DAB2IP: variants seen among roughly 807,000 people sequenced by gnomAD.
The protein encoded by DAB2IP is disabled homolog 2-interacting protein.
DAB2IP carries 28 observed loss-of-function variants against 107.2 expected under a neutral mutation model. That is an observed-to-expected ratio of 0.26 (90% CI 0.19 to 0.36). The LOEUF (loss-of-function observed/expected upper bound fraction) is 0.36, where lower values mean the gene tolerates loss of function less well. Ranked by LOEUF, DAB2IP falls within the 10% of genes least tolerant of loss-of-function variation. DAB2IP has a pLI of 1.00. For synonymous variants in DAB2IP, 755 were observed against 706.4 expected, an observed-to-expected ratio of 1.07 and a Z score of -1.09; for missense variants, 1,400 against 1,644.7, an observed-to-expected ratio of 0.85 and a Z score of 2.57.
Position 121,782,158 on chromosome 9 carries a change from G to T in DAB2IP, c.3403-173G>T, listed in dbSNP as rs1835707689. Among the ~76,000 whole-genome samples the T allele has an allele frequency of 6.6e-6, 1 of 152,126 alleles. No individual in the cohort carries two copies. The highest frequency in any genetic ancestry group is 1.5e-5 in the Non-Finnish European group (1 of 67,994). ...GCTGATAAGCAGGCAGCGAGGCTGT[G>T]TCCATGATGCTGCAGAGGCCTCTGC... On this transcript the variant is annotated intron_variant, in intron 15 of 15. Transcript: ENST00000408936. The surrounding 1 kb of genome is among the most constrained non-coding windows in gnomAD (Gnocchi z 6.1).
In DAB2IP at chr9:121,751,907, G is replaced by A. The variant is rs985460284; in HGVS notation, c.363-5106G>A. On this transcript the variant is annotated intron_variant, in intron 3 of 15. Coordinates refer to ENST00000408936, the Ensembl canonical transcript of DAB2IP. Reference sequence around the variant, plus strand: ...GGTCACCCTAGCCATGGCCTTGGCTGTCCCGTGTGTGACCTGGATGTCATG... The same window carrying A: ...GGTCACCCTAGCCATGGCCTTGGCTATCCCGTGTGTGACCTGGATGTCATG... 1.6e-5 allele frequency: 16 copies of A among 985,192 alleles called. No homozygotes were observed. The African/African-American group carries it at 2.6e-4, about 16-fold the overall frequency. 61.0% of individuals were successfully genotyped at this position (985,192 alleles called of 1,614,324 possible). A position where few individuals can be genotyped will look rare whatever the true frequency, so the allele number is the denominator to read the frequency against.
intron 1 of DAB2IP, among the ~76,000 whole-genome samples, chr9:121,676,692 A>T (rs1413586842): frequency 1.4e-5 from 2 of 145,666 alleles, no homozygotes; most frequent in Non-Finnish European, 3.0e-5. Context: ...GAGAGCGTTG[A>T]TAGGAGACTC....
intron 1 of DAB2IP, among the ~76,000 whole-genome samples, chr9:121,659,609 C>T (rs1467212902): frequency 2.0e-5 from 3 of 152,018 alleles, no homozygotes; most frequent in South Asian, 2.1e-4. Context: ...CTGGCTAACA[C>T]GGTGAAACCC....
At chr9:121,587,531 C>T in intron 1 of DAB2IP, among the ~76,000 whole-genome samples, 1 of 151,198 alleles carries the variant, frequency 6.6e-6, no homozygotes, top group African/African-American at 2.4e-5. Context: ...TCACCTGAGC[C>T]TGGGAGGTTG....
rs1485021804 is a variant in DAB2IP, at chr9:121,698,063, C to T, written c.229-1262C>T. Among the ~76,000 whole-genome samples the T allele has an allele frequency of 6.6e-6, 1 of 152,188 alleles. No homozygotes were observed. Among genetic ancestry groups the T allele is most frequent in the Non-Finnish European group, 1.5e-5 (1 of 68,038 alleles). On this transcript the variant is annotated intron_variant, in intron 2 of 15. Coordinates refer to ENST00000408936, the Ensembl canonical transcript of DAB2IP. This position sits in a 1 kb window ranked among gnomAD's most constrained non-coding sequence, Gnocchi z 4.1. ...GGACAGATACAGCCCAGGGCCTGTG[C>T]CAAACATCCACTGCTCCTCTTGAAC...
chr9:121,744,716 T>C (rs1200487050), intron 3 of DAB2IP, among the ~76,000 whole-genome samples: 8 of 152,222 alleles, frequency 5.3e-5, no homozygotes, highest in Non-Finnish European at 1.5e-5. Flanking sequence ...CCAGGTGTCC[T>C]GTTCCACCCT....
rs1434746168 is a variant in DAB2IP at position 121,699,112 on chromosome 9, G to C, written c.229-213G>C. Reference sequence around the variant, plus strand: ...AGGGGGCGGGGGCGACGTGGCGGGCGGGGTGGGCTGGGCCGCGCTGCGCGG... The same window carrying C: ...AGGGGGCGGGGGCGACGTGGCGGGCCGGGTGGGCTGGGCCGCGCTGCGCGG... On this transcript the variant is annotated intron_variant, in intron 2 of 15. Transcript: ENST00000408936. This position sits in a 1 kb window ranked among gnomAD's most constrained non-coding sequence, Gnocchi z 6.2. Among the ~76,000 whole-genome samples, 2 of 146,274 alleles carry C rather than the reference G, an allele frequency of 1.4e-5. No individual in the cohort carries two copies. The highest frequency in any genetic ancestry group is 3.0e-5 in the Non-Finnish European group (2 of 65,840).
chr9:121,611,905 A>C (rs1008446798), intron 1 of DAB2IP, among the ~76,000 whole-genome samples: 1 of 152,232 alleles, frequency 6.6e-6, no homozygotes, highest in African/African-American at 2.4e-5. Context: ...TTATACGTGC[A>C]AAGAAAGAAC....
At chr9:121,700,293 C>T (rs536952514) in intron 3 of DAB2IP, among the ~76,000 whole-genome samples, 2 of 152,098 alleles carry the variant, frequency 1.3e-5, no homozygotes, top group East Asian at 1.9e-4. Context: ...CTTCAGCTCG[C>T]AAGGGCAAGC....
rs117710009 is a variant in DAB2IP, at chr9:121,580,960, G to A, written c.40+13732G>A. Among the ~76,000 whole-genome samples the A allele has an allele frequency of 3.9e-5, 6 of 152,322 alleles. No individual in the cohort carries two copies. In the East Asian group the frequency reaches 9.7e-4, roughly 25 times the overall value. On this transcript the variant is annotated intron_variant, in intron 1 of 16. Transcript: ENST00000259371. ...GAACTTTGAGTGATTCAGTGAGGCTGTACCCCAAAATCCAGGTGCGCAGGC... is the reference window on the plus strand; with the variant it reads ...GAACTTTGAGTGATTCAGTGAGGCTATACCCCAAAATCCAGGTGCGCAGGC...
rs1834848312 is a variant in DAB2IP at position 121,772,652 on chromosome 9, G to A, written c.2124G>A (p.Lys708=). 2 of 1,614,066 alleles carry A rather than the reference G, an allele frequency of 1.2e-6. No homozygotes were observed. Among genetic ancestry groups the A allele is most frequent in the Non-Finnish European group, 8.5e-7 (1 of 1,179,974 alleles). The change falls in exon 12 of 16, where the codon AAG becomes AAA. Residue 708 remains lysine, a synonymous_variant. Coordinates refer to ENST00000408936, the Ensembl canonical transcript of DAB2IP. This position sits in a 1 kb window ranked among gnomAD's most constrained non-coding sequence, Gnocchi z 4.7. ...TACCGTCTCCAACCCCCGAAAACAA[G>A]GACTTGTTTTTTGTCACAAGGTCCT... is the stretch of plus-strand genomic sequence containing the variant.
rs1172520567 is a variant in DAB2IP at position 121,736,544 on chromosome 9, TG to T, written c.363-20463del. On this transcript the variant is annotated intron_variant, in intron 3 of 15. Transcript: ENST00000408936. This position sits in a 1 kb window ranked among gnomAD's most constrained non-coding sequence, Gnocchi z 4.6. ...AAGGGCTGGGCCTACTGCTGTGGGG[TG>T]GGGGGCGGGTGGGAGGGCCCGGAGG... 9.2e-4 allele frequency among the ~76,000 whole-genome samples: 2 copies of T among 2,170 alleles called. No individual in the cohort carries two copies. The highest frequency in any genetic ancestry group is 0.011 in the Admixed American group (2 of 190). The allele number at this position is 2,170 out of a possible 152,430, so 1.4% of individuals were successfully genotyped here.
chr9:121,569,818 A>T (rs1053129241), intron 1 of DAB2IP, among the ~76,000 whole-genome samples: 2 of 152,210 alleles, frequency 1.3e-5, no homozygotes, highest in African/African-American at 2.4e-5. Context: ...GCGAGATGCC[A>T]TCTCAGAAGT....
chr9:121,585,340 T>A (rs518973), intron 1 of DAB2IP, among the ~76,000 whole-genome samples: 149,966 of 152,226 alleles, frequency 0.99, 73,917 homozygotes, highest in East Asian at 1. Context: ...CTAGATAGAT[T>A]TGTGATTTGA....
intron 2 of DAB2IP, among the ~76,000 whole-genome samples, chr9:121,687,926 G>A (rs1233070090): frequency 6.6e-6 from 1 of 152,198 alleles, no homozygotes; most frequent in East Asian, 1.9e-4. Context: ...GAGAGGGGAG[G>A]TGCATTGTCC....
chr9:121,687,899 G>A (rs968562342), intron 2 of DAB2IP, among the ~76,000 whole-genome samples: 1 of 152,188 alleles, frequency 6.6e-6, no homozygotes. Flanking sequence ...TCTTACGGAC[G>A]AGGATGTTGA....
Position 121,763,425 on chromosome 9 carries a change from CT to C in DAB2IP, c.1171-79del. 3 of 1,519,216 alleles carry C rather than the reference CT, an allele frequency of 2.0e-6. No individual in the cohort carries two copies. The South Asian group carries it at 4.0e-5, about 20-fold the overall frequency. 94.1% of individuals were successfully genotyped at this position (1,519,216 alleles called of 1,614,324 possible). ...GAACAGCCTCAAAATGCCAGGACTT[CT>C]CTGGCTAGGTCTGGAATCCTAGGGC... is the stretch of plus-strand genomic sequence containing the variant. On this transcript the variant is annotated intron_variant, in intron 6 of 15. Coordinates refer to ENST00000408936, the Ensembl canonical transcript of DAB2IP.
At position 121,745,360 on chromosome 9, in the gene DAB2IP, G is replaced by A. The variant is rs573102184; in HGVS notation, c.363-11653G>A. Among the ~76,000 whole-genome samples, 3 of 152,294 alleles carry A rather than the reference G, an allele frequency of 2.0e-5. No homozygotes were observed. The East Asian group carries it at 5.8e-4, about 29-fold the overall frequency. The stretch of plus-strand genomic sequence containing the variant: ...CCTGGTTTTCTTTGACATGGTGTCT[G>A]AGTTTCTGCCCGTGCCAGTGGCCTG... On this transcript the variant is annotated intron_variant, in intron 3 of 15. Coordinates refer to ENST00000408936, the Ensembl canonical transcript of DAB2IP.
At chr9:121,729,046 T>C (rs1365155361) in intron 3 of DAB2IP, among the ~76,000 whole-genome samples, 1 of 152,208 alleles carries the variant, frequency 6.6e-6, no homozygotes, top group East Asian at 1.9e-4. Flanking sequence ...ATAATGCCTG[T>C]CATTTTTTAG....
Sources: gnomAD v4.1 joint callset for allele counts (sites outside exome capture counted in the v4.1 genomes callset) on GRCh38, gnomAD v4.1.1 for gene constraint, Gnocchi (gnomAD v3.1) non-coding constraint, MANE v1.5 for transcripts, NCBI Gene and HGNC (gene_info 2026-07-23, HGNC 2026-07-21) for gene names.